POLI: variants seen among roughly 807,000 people sequenced by gnomAD.
POLI encodes RAD30 homolog B.
POLI carries 58 observed loss-of-function variants against 51.6 expected under a neutral mutation model. That is an observed-to-expected ratio of 1.12 (90% CI 0.91 to 1.40). POLI has a LOEUF of 1.40. Among genes scored for constraint, POLI ranks in the 40% most tolerant of loss-of-function variants. The pLI is 0.00. For synonymous variants in POLI, 322 were observed against 299.7 expected (o/e 1.07, Z -0.77); for missense variants, 921 against 871.3 (o/e 1.06, Z -0.72).
At chr18:54,313,394 C>A (rs1433131846) in intron 3 of POLI, among the ~76,000 whole-genome samples, 1 of 152,044 alleles carries the variant, frequency 6.6e-6, no homozygotes, top group Non-Finnish European at 1.5e-5. Context: ...AATATGATGT[C>A]CCCAGCTTTG....
At position 54,277,753 on chromosome 18, in the gene POLI, A is replaced by T; in HGVS notation, c.457A>T (p.Asn153Tyr). ...PVVERLGFDE[N>Y]FVDLTEMVEK... Reference sequence around the variant, plus strand: ...TGTTGAGAGACTTGGATTTGATGAAAATTTTGTGGATCTAACAGAAATGGT... The same window carrying T: ...TGTTGAGAGACTTGGATTTGATGAATATTTTGTGGATCTAACAGAAATGGT... The change falls in exon 4 of 10, where the codon AAT (asparagine) becomes TAT (tyrosine). Residue 153 changes from asparagine (N) to tyrosine (Y), a missense_variant. By Grantham distance (143) the Asn-to-Tyr change is moderately radical. Coordinates refer to ENST00000579534, the MANE Select transcript of POLI (RefSeq NM_007195.3). 7 of 1,610,152 alleles carry T rather than the reference A, an allele frequency of 4.3e-6. No individual in the cohort carries two copies. Among genetic ancestry groups the T allele is most frequent in the Non-Finnish European group, 5.9e-6 (7 of 1,177,118 alleles).
Position 54,282,878 on chromosome 18 carries a change from A to T in POLI, c.838A>T (p.Ile280Phe), listed in dbSNP as rs958218207. ...KTAKCLEALG[I>F]NSVRDLQTFS... ...TGCCAAATGTCTTGAAGCACTGGGT[A>T]TCAATAGTGTGCGTGATCTCCAAAC... Residue 280 changes from isoleucine to phenylalanine, a missense_variant, in exon 6 of 10, where the codon ATC (isoleucine) becomes TTC (phenylalanine). By Grantham distance (21) the Ile-to-Phe change is conservative (BLOSUM62 0). Transcript: ENST00000579534. 3.2e-6 allele frequency: 5 copies of T among 1,577,242 alleles called. No individual in the cohort carries two copies. In the African/African-American group the frequency reaches 5.4e-5, roughly 17 times the overall value.
intron 3 of POLI, among the ~76,000 whole-genome samples, chr18:54,307,507 T>C (rs1040563444): frequency 2.6e-5 from 4 of 152,202 alleles, no homozygotes; most frequent in African/African-American, 2.4e-5. Flanking sequence ...CCTCCAACTA[T>C]GTGGTCAGTT....
At chr18:54,271,295 A>T in intron 1 of POLI, 65 bp from the exon 2 acceptor site, 1 of 1,414,762 alleles carries the variant, frequency 7.1e-7, no homozygotes, top group Non-Finnish European at 9.8e-7. Context: ...GTTTTAAGGA[A>T]CTGTCAGTTG....
intron 3 of POLI, among the ~76,000 whole-genome samples, chr18:54,314,138 G>A (rs184614865): frequency 2.2e-4 from 34 of 152,226 alleles, no homozygotes; most frequent in Admixed American, 6.5e-4. Context: ...TGCCTAGTTT[G>A]TTGAGGGCTT....
At position 54,297,263 on chromosome 18, in the gene POLI, G is replaced by A. The variant is rs2088376781; in HGVS notation, c.*2796G>A. On this transcript the variant is annotated 3_prime_UTR_variant, in exon 10 of 10. Coordinates refer to ENST00000579534, the MANE Select transcript of POLI (RefSeq NM_007195.3). ...GCTTGATGCTTTCTGCTGCTTTCTT[G>A]CTTTTGTTTCAGCTCGAGTTTGTTG... The A allele has an allele frequency of 1.0e-6, 1 of 982,886 alleles. No individual in the cohort carries two copies. The highest frequency in any genetic ancestry group is 1.8e-5 in the African/African-American group (1 of 56,644). 60.9% of individuals were successfully genotyped at this position (982,886 alleles called of 1,614,324 possible).
chr18:54,283,220 G>A (rs2087597414), intron 6 of POLI, among the ~76,000 whole-genome samples: 1 of 152,056 alleles, frequency 6.6e-6, no homozygotes, highest in Non-Finnish European at 1.5e-5. Context: ...GATATCTTAA[G>A]TTAGCTACTA....
chr18:54,320,729 G>A (rs1308624062), intron 4 of POLI, among the ~76,000 whole-genome samples: 1 of 151,386 alleles, frequency 6.6e-6, no homozygotes, highest in East Asian at 1.9e-4. Flanking sequence ...TGAGTGATAT[G>A]GTAGATAAAT....
At position 54,295,985 on chromosome 18, in the gene POLI, C is replaced by T. The variant is rs554960043; in HGVS notation, c.*1518C>T. Reference sequence around the variant, plus strand: ...CTTGGAATTTGAAAATATGCTAACACGAAGGATTGTAAATAGGTAGTTTGA... The same window carrying T: ...CTTGGAATTTGAAAATATGCTAACATGAAGGATTGTAAATAGGTAGTTTGA... On this transcript the variant is annotated 3_prime_UTR_variant, in exon 10 of 10. Transcript: ENST00000579534. 3.2e-4 allele frequency: 314 copies of T among 984,924 alleles called. 1 individual carries two copies. The African/African-American group carries it at 4.6e-3, about 15-fold the overall frequency. 61.0% of individuals were successfully genotyped at this position (984,924 alleles called of 1,614,324 possible).
In POLI at chr18:54,296,038, AG is replaced by A. The variant is rs1223156766; in HGVS notation, c.*1572del. 4 of 984,958 alleles carry A rather than the reference AG, an allele frequency of 4.1e-6. No homozygotes were observed. The highest frequency in any genetic ancestry group is 4.8e-6 in the Non-Finnish European group (4 of 829,588). The allele number at this position is 984,958 out of a possible 1,614,324, so 61.0% of individuals were successfully genotyped here. On this transcript the variant is annotated 3_prime_UTR_variant, in exon 10 of 10. Coordinates refer to ENST00000579534, the MANE Select transcript of POLI (RefSeq NM_007195.3). ...TTATCAGGAACAGTAACTTGAAGCA[AG>A]AACATCAGAAATTGTTCACCATGCA...
intron 8 of POLI, 189 bp from the exon 9 acceptor site, chr18:54,291,644 G>T: frequency 2.4e-6 from 1 of 409,202 alleles, no homozygotes; most frequent in Non-Finnish European, 4.3e-6. Context: ...AGTATAACCA[G>T]AAATCCCATA....
intron 3 of POLI, among the ~76,000 whole-genome samples, chr18:54,314,658 T>C (rs534109780): frequency 6.6e-6 from 1 of 152,280 alleles, no homozygotes; most frequent in Admixed American, 6.5e-5. Context: ...TAGTGGTCAG[T>C]TCAGGGTTTC....
rs1171138832 is a variant in POLI, at chr18:54,296,410, C to A, written c.*1943C>A. 2 of 961,908 alleles carry A rather than the reference C, an allele frequency of 2.1e-6. No homozygotes were observed. The highest frequency in any genetic ancestry group is 3.5e-5 in the African/African-American group (2 of 56,694). 59.6% of individuals were successfully genotyped at this position (961,908 alleles called of 1,614,324 possible). ...CTCAGAATCAACTTTTTTATGGGATCTTTTTTCTCTGTTTTTAAGATTATC... is the reference window on the plus strand; with the variant it reads ...CTCAGAATCAACTTTTTTATGGGATATTTTTTCTCTGTTTTTAAGATTATC... On this transcript the variant is annotated 3_prime_UTR_variant, in exon 10 of 10. Coordinates refer to ENST00000579534, the MANE Select transcript of POLI (RefSeq NM_007195.3).
intron 8 of POLI, 146 bp from the exon 9 acceptor site, chr18:54,291,687 G>T (rs2088017275): frequency 4.1e-6 from 2 of 489,606 alleles, no homozygotes; most frequent in Non-Finnish European, 3.6e-6. Flanking sequence ...TAACCATTTA[G>T]TATTAATATT....
intron 4 of POLI, among the ~76,000 whole-genome samples, chr18:54,279,290 C>T (rs1354069052): frequency 7.5e-5 from 11 of 147,396 alleles, no homozygotes; most frequent in South Asian, 4.3e-4. Context: ...TCGCCCAGGC[C>T]GGAGTGCAGT....
At position 54,298,056 on chromosome 18, in the gene POLI, G is replaced by C. The variant is rs2088419195; in HGVS notation, c.*3589G>C. On this transcript the variant is annotated 3_prime_UTR_variant, in exon 10 of 10. Coordinates refer to ENST00000579534, the MANE Select transcript of POLI (RefSeq NM_007195.3). ...AGCTATAGATTTATCATGGATTTAGGTTCATTATGAATCTGCAGATTTGTG... is the reference window on the plus strand; with the variant it reads ...AGCTATAGATTTATCATGGATTTAGCTTCATTATGAATCTGCAGATTTGTG... 1.0e-6 allele frequency: 1 copy of C among 968,696 alleles called. No individual in the cohort carries two copies. Among genetic ancestry groups the C allele is most frequent in the South Asian group, 4.8e-5 (1 of 20,972 alleles). 60.0% of individuals were successfully genotyped at this position (968,696 alleles called of 1,614,324 possible).
chr18:54,279,888 C>G lies in POLI; in HGVS notation c.560-779C>G, dbSNP rs545889946. Among the ~76,000 whole-genome samples the G allele has an allele frequency of 9.2e-5, 14 of 152,236 alleles. 1 individual carries two copies. In the South Asian group the frequency reaches 2.3e-3, roughly 25 times the overall value. On this transcript the variant is annotated intron_variant, in intron 4 of 9. Coordinates refer to ENST00000579534, the MANE Select transcript of POLI (RefSeq NM_007195.3). ...TTAGATCTTTAAAGTATAATGTTAG[C>G]TTTCTTGTTATATAATAATACTTCT...
chr18:54,273,948 G>T lies in POLI; in HGVS notation c.264G>T (p.Val88=). 1 of 1,557,864 alleles carries T rather than the reference G, an allele frequency of 6.4e-7. No individual in the cohort carries two copies. Among genetic ancestry groups the T allele is most frequent in the South Asian group, 1.2e-5 (1 of 81,650 alleles). The change falls in exon 3 of 10, where the codon GTG becomes GTT. Residue 88 remains valine, a synonymous_variant. Coordinates refer to ENST00000579534, the MANE Select transcript of POLI (RefSeq NM_007195.3). The part of the protein sequence containing the change: ...KPLGVQQKYL[V]VTCNYEARKL... The stretch of plus-strand genomic sequence containing the variant: ...CAGGGGTTCAACAGAAATATTTGGT[G>T]GTTACCTGCAACTATGAAGCTAGGA...
intron 3 of POLI, among the ~76,000 whole-genome samples, chr18:54,304,026 CTTGCGACAGT>C (rs2088538177): frequency 6.6e-6 from 1 of 151,872 alleles, no homozygotes; most frequent in South Asian, 2.1e-4. Context: ...GTTTTCTGTC[CTTGCGACAGT>C]TTGCTGAGAA....
Sources: allele counts gnomAD v4.1 joint callset (sites outside exome capture counted in the v4.1 genomes callset), GRCh38; gene constraint gnomAD v4.1.1; transcripts MANE v1.5; gene names NCBI Gene and HGNC (gene_info 2026-07-23, HGNC 2026-07-21).